Variants in DKK2 observed in about 807,000 individuals in gnomAD.
The protein encoded by DKK2 is dickkopf-related protein 2.
In DKK2, 11 loss-of-function variants were observed where a neutral mutation model predicts 28.1. The observed-to-expected ratio is 0.39, with a 90% CI of 0.25 to 0.65. The LOEUF is 0.65. DKK2 is among the 30% of genes least tolerant of loss of function. The pLI is 0.47. For synonymous variants in DKK2, 135 were observed against 126.5 expected (o/e 1.07, Z -0.45); for missense variants, 326 against 335.5 (o/e 0.97, Z 0.22).
At chr4:106,963,304 G>T (rs1346063928) in intron 1 of DKK2, among the ~76,000 whole-genome samples, 3 of 151,300 alleles carry the variant, frequency 2.0e-5, no homozygotes, top group Non-Finnish European at 4.4e-5. Flanking sequence ...AGTGAGCCAA[G>T]ATCGCACCAT....
chr4:106,998,396 A>G (rs1723305878), intron 1 of DKK2, among the ~76,000 whole-genome samples: 1 of 152,158 alleles, frequency 6.6e-6, no homozygotes, highest in Non-Finnish European at 1.5e-5. Flanking sequence ...TGGTTACTCA[A>G]AGTTGTAAAG....
At chr4:106,954,587 T>C (rs1275655274) in intron 1 of DKK2, among the ~76,000 whole-genome samples, 2 of 152,204 alleles carry the variant, frequency 1.3e-5, no homozygotes, top group South Asian at 2.1e-4. Context: ...AATGGCATGA[T>C]CTCGGCTCAC....
intron 1 of DKK2, among the ~76,000 whole-genome samples, chr4:106,970,325 T>C (rs1276586521): frequency 1.3e-5 from 2 of 152,062 alleles, no homozygotes; most frequent in Non-Finnish European, 2.9e-5. Flanking sequence ...CCTGCAATAG[T>C]GGATCTGGAA....
At chr4:106,996,600 G>A (rs1276427084) in intron 1 of DKK2, among the ~76,000 whole-genome samples, 1 of 152,156 alleles carries the variant, frequency 6.6e-6, no homozygotes, top group Non-Finnish European at 1.5e-5. Flanking sequence ...CAGGGTCATG[G>A]GATGGAGACA....
At chr4:106,965,254 A>G (rs2110352026) in intron 1 of DKK2, among the ~76,000 whole-genome samples, 2 of 152,246 alleles carry the variant, frequency 1.3e-5, no homozygotes, top group South Asian at 4.1e-4. Flanking sequence ...TCTTTGCCCT[A>G]TTTTGTTAAT....
intron 1 of DKK2, among the ~76,000 whole-genome samples, chr4:106,967,871 A>G (rs974383890): frequency 6.6e-6 from 1 of 150,982 alleles, no homozygotes; most frequent in African/African-American, 2.4e-5. Context: ...AGAAGGAGGG[A>G]AGCAAAAGGA....
chr4:106,924,372 T>C, intron 3 of DKK2, 168 bp from the exon 4 acceptor site: 1 of 1,239,344 alleles, frequency 8.1e-7, no homozygotes, highest in East Asian at 2.5e-5. Flanking sequence ...TCTTATCACA[T>C]AAATCTATTA....
At chr4:106,944,489 A>C (rs1231727337) in intron 1 of DKK2, among the ~76,000 whole-genome samples, 6 of 152,100 alleles carry the variant, frequency 3.9e-5, no homozygotes, top group African/African-American at 1.4e-4. Flanking sequence ...ATATTTTTTC[A>C]TACCCTGATC....
intron 1 of DKK2, among the ~76,000 whole-genome samples, chr4:106,938,194 A>T (rs1724630250): frequency 6.7e-6 from 1 of 149,766 alleles, no homozygotes; most frequent in Non-Finnish European, 1.5e-5. Context: ...GTTTTTTGAA[A>T]GGATCAACAA....
chr4:106,993,993 T>C (rs1053319797), intron 1 of DKK2, among the ~76,000 whole-genome samples: 1 of 152,126 alleles, frequency 6.6e-6, no homozygotes, highest in African/African-American at 2.4e-5. Flanking sequence ...ACAAAGATAT[T>C]AACTTGGAAG....
At chr4:106,960,852 T>C (rs962408734) in intron 1 of DKK2, among the ~76,000 whole-genome samples, 1 of 152,194 alleles carries the variant, frequency 6.6e-6, no homozygotes, top group Non-Finnish European at 1.5e-5. Context: ...ATAAAATCAA[T>C]GAAGTGGACT....
chr4:106,937,710 C>G lies in DKK2; in HGVS notation c.223-11761G>C, dbSNP rs1318532803. ...CACCTATTCCAAAATTGACCACATA[C>G]TTGGAAGTAAAGCTCTCCTCAGCAA... On this transcript the variant is annotated intron_variant, in intron 1 of 3. Coordinates refer to ENST00000285311, the MANE Select transcript of DKK2 (RefSeq NM_014421.3). Among the ~76,000 whole-genome samples the G allele has an allele frequency of 1.8e-4, 25 of 141,144 alleles. 1 individual carries two copies. The highest frequency in any genetic ancestry group is 7.2e-4 in the Admixed American group (10 of 13,966). 92.6% of individuals were successfully genotyped at this position (141,144 alleles called of 152,430 possible).
At chr4:106,970,095 C>T (rs768274498) in intron 1 of DKK2, among the ~76,000 whole-genome samples, 34 of 152,128 alleles carry the variant, frequency 2.2e-4, no homozygotes, top group Non-Finnish European at 4.4e-4. Flanking sequence ...AATTCTAGTT[C>T]TACCACTTAT....
intron 1 of DKK2, among the ~76,000 whole-genome samples, chr4:106,985,507 TTAAC>T (rs1338151686): frequency 2.0e-5 from 3 of 151,752 alleles, no homozygotes; most frequent in Non-Finnish European, 4.4e-5. Flanking sequence ...AAAAAAAAGT[TTAAC>T]TAAAATTAAG....
intron 1 of DKK2, among the ~76,000 whole-genome samples, chr4:106,983,875 T>A (rs888176914): frequency 6.6e-6 from 1 of 152,186 alleles, no homozygotes; most frequent in African/African-American, 2.4e-5. Context: ...CCTTATTAGT[T>A]ATTAGGGAAA....
intron 1 of DKK2, among the ~76,000 whole-genome samples, chr4:106,946,630 T>A (rs1185262264): frequency 1.3e-5 from 2 of 152,024 alleles, no homozygotes; most frequent in Admixed American, 6.6e-5. Flanking sequence ...TTCCTACACA[T>A]AGAGCATAGG....
At chr4:107,031,843 T>A (rs1385611190) in intron 1 of DKK2, among the ~76,000 whole-genome samples, 1 of 151,980 alleles carries the variant, frequency 6.6e-6, no homozygotes, top group Non-Finnish European at 1.5e-5. Flanking sequence ...TAGTTTGGGT[T>A]TTTAAAATTT....
In DKK2 at chr4:106,924,686, C is replaced by G; in HGVS notation, c.388G>C (p.Val130Leu). Reference sequence around the variant, plus strand: ...TGAGGGGTTAAGATGCTTTCAGTAACTGGGATACAGATGCCTGGAGATGAT... The same window carrying G: ...TGAGGGGTTAAGATGCTTTCAGTAAGTGGGATACAGATGCCTGGAGATGAT... ...TRCNNGICIPVTESILTPHIP... is the reference protein window; with the variant it reads ...TRCNNGICIPLTESILTPHIP... Residue 130 changes from valine (V) to leucine (L), a missense_variant, in exon 3 of 4, where the codon GTT (valine) becomes CTT (leucine). Transcript: ENST00000285311. 1 of 1,613,328 alleles carries G rather than the reference C, an allele frequency of 6.2e-7. No individual in the cohort carries two copies. Among genetic ancestry groups the G allele is most frequent in the Non-Finnish European group, 8.5e-7 (1 of 1,179,648 alleles).
chr4:106,971,720 G>A (rs544489554), intron 1 of DKK2, among the ~76,000 whole-genome samples: 67 of 152,136 alleles, frequency 4.4e-4, no homozygotes, highest in African/African-American at 1.4e-3. Flanking sequence ...GTTTAATAAT[G>A]AGACCCCTCC....
Sources: allele counts gnomAD v4.1 joint callset (sites outside exome capture counted in the v4.1 genomes callset), GRCh38; gene constraint gnomAD v4.1.1; transcripts MANE v1.5; gene names NCBI Gene and HGNC (gene_info 2026-07-23, HGNC 2026-07-21).